MAML3: variants seen among roughly 807,000 people sequenced by gnomAD.
MAML3 encodes the protein mastermind-like protein 3.
MAML3 carries 27 observed loss-of-function variants against 101.9 expected under a neutral mutation model. The observed-to-expected ratio is 0.27, with a 90% confidence interval of 0.20 to 0.37. MAML3 has a LOEUF of 0.37. Among genes scored for constraint, MAML3 ranks in the 10% least tolerant of loss-of-function variants. The pLI is 1.00. For missense variants in MAML3, 1,316 were observed against 1,444.9 expected (o/e 0.91, Z 1.45); for synonymous variants, 501 against 555.9 (o/e 0.90, Z 1.39).
chr4:139,755,688 G>C (rs1729634112), intron 2 of MAML3, among the ~76,000 whole-genome samples: 1 of 152,156 alleles, frequency 6.6e-6, no homozygotes, highest in South Asian at 2.1e-4. Flanking sequence ...TTGCATGTCA[G>C]TATTAAGTAA....
At chr4:139,763,821 T>A (rs1173903326) in intron 2 of MAML3, among the ~76,000 whole-genome samples, 7 of 152,192 alleles carry the variant, frequency 4.6e-5, no homozygotes, top group Non-Finnish European at 8.8e-5. Flanking sequence ...TGGAACAGTC[T>A]CCCTTTCAAA....
chr4:139,990,352 T>A (rs954971666), intron 1 of MAML3, among the ~76,000 whole-genome samples: 1 of 151,096 alleles, frequency 6.6e-6, no homozygotes, highest in Non-Finnish European at 1.5e-5. Context: ...ATTCAACAAC[T>A]CTTCATGCTA....
intron 1 of MAML3, among the ~76,000 whole-genome samples, chr4:140,094,761 C>A (rs1330481764): frequency 6.6e-6 from 1 of 152,240 alleles, no homozygotes; most frequent in Non-Finnish European, 1.5e-5. Context: ...ATTTGATCAT[C>A]TTCCCGCTTC....
At chr4:140,080,522 A>G (rs1727845963) in intron 1 of MAML3, among the ~76,000 whole-genome samples, 1 of 152,166 alleles carries the variant, frequency 6.6e-6, no homozygotes, top group African/African-American at 2.4e-5. Context: ...TTTTTATTGT[A>G]TTTTCTAAAT....
Position 139,890,766 on chromosome 4 carries a change from T to C in MAML3, c.670A>G (p.Lys224Glu), listed in dbSNP as rs1578650147. Residue 224 changes from lysine to glutamate, a missense_variant, in exon 2 of 5, where the codon AAA becomes GAA. Lys to Glu is a moderately conservative substitution (Grantham distance 56). Transcript: ENST00000509479. The surrounding 1 kb of genome is among the most constrained non-coding windows in gnomAD (Gnocchi z 4.1). ...CTGTTCTGCAAGGGCAAAGAAGGTT[T>C]CAGGTCAAGTTGGTGAAGAGGAGAA... The part of the protein sequence containing the change: ...SASPLHQLDL[K>E]PSLPLQNSGT... 2 of 1,613,908 alleles carry C rather than the reference T, an allele frequency of 1.2e-6. No homozygotes were observed. Among genetic ancestry groups the C allele is most frequent in the African/African-American group, 2.7e-5 (2 of 74,934 alleles).
intron 1 of MAML3, among the ~76,000 whole-genome samples, chr4:139,975,457 A>G (rs1424578777): frequency 6.6e-6 from 1 of 152,096 alleles, no homozygotes; most frequent in East Asian, 1.9e-4. Flanking sequence ...ATGCACACAC[A>G]CACACCCCAT....
intron 1 of MAML3, among the ~76,000 whole-genome samples, chr4:140,110,900 A>C (rs1441245394): frequency 6.6e-6 from 1 of 152,206 alleles, no homozygotes; most frequent in Admixed American, 6.5e-5. Flanking sequence ...AAAAATAAGC[A>C]ATTTCATATG....
At chr4:139,969,427 A>AACAC in intron 1 of MAML3, among the ~76,000 whole-genome samples, 1 of 151,850 alleles carries the variant, frequency 6.6e-6, no homozygotes, top group East Asian at 1.9e-4. Flanking sequence ...TGGAGAAATG[A>AACAC]ACACACACAC....
chr4:139,875,382 G>C (rs373319462), intron 2 of MAML3, among the ~76,000 whole-genome samples: 1 of 152,080 alleles, frequency 6.6e-6, no homozygotes, highest in East Asian at 1.9e-4. Flanking sequence ...GCAGTGTTTT[G>C]GGGAATTGTG....
chr4:140,116,489 C>A (rs1364871555), intron 1 of MAML3, among the ~76,000 whole-genome samples: 1 of 152,196 alleles, frequency 6.6e-6, no homozygotes, highest in African/African-American at 2.4e-5. Context: ...AGTAAAAGGA[C>A]AGGGAGGCTG....
chr4:140,009,271 C>G (rs1302152731), intron 1 of MAML3, among the ~76,000 whole-genome samples: 1 of 152,214 alleles, frequency 6.6e-6, no homozygotes, highest in Non-Finnish European at 1.5e-5. Context: ...TACGAACCAA[C>G]AAGCCCCAGG....
At chr4:139,852,778 A>T (rs1275645309) in intron 2 of MAML3, among the ~76,000 whole-genome samples, 3 of 152,114 alleles carry the variant, frequency 2.0e-5, no homozygotes, top group African/African-American at 4.8e-5. Context: ...AATCCATTCC[A>T]GGAACGTCAC....
At chr4:140,070,330 C>T (rs1339121597) in intron 1 of MAML3, among the ~76,000 whole-genome samples, 1 of 152,114 alleles carries the variant, frequency 6.6e-6, no homozygotes. Context: ...CATATTTTAG[C>T]CCAAGTACTT....
chr4:139,782,528 T>C (rs1730235948), intron 2 of MAML3, among the ~76,000 whole-genome samples: 1 of 152,174 alleles, frequency 6.6e-6, no homozygotes, highest in Non-Finnish European at 1.5e-5. Context: ...GACACAAAGA[T>C]AAAAGTGTTA....
intron 2 of MAML3, among the ~76,000 whole-genome samples, chr4:139,819,708 C>A (rs1191515920): frequency 6.6e-6 from 1 of 152,182 alleles, no homozygotes; most frequent in African/African-American, 2.4e-5. Context: ...GCAAAAATAG[C>A]TAAGTATAAA....
intron 1 of MAML3, among the ~76,000 whole-genome samples, chr4:140,080,358 C>T (rs1338327023): frequency 6.6e-6 from 1 of 152,196 alleles, no homozygotes; most frequent in African/African-American, 2.4e-5. Flanking sequence ...GATGGTGTTA[C>T]TCAAAGCATG....
intron 1 of MAML3, among the ~76,000 whole-genome samples, chr4:139,937,104 CT>C (rs566513008): frequency 6.6e-6 from 1 of 152,152 alleles, no homozygotes; most frequent in Non-Finnish European, 1.5e-5. Flanking sequence ...GCTAACCTGT[CT>C]TTCTTGCTAG....
intron 1 of MAML3, among the ~76,000 whole-genome samples, chr4:139,912,065 T>C (rs1021306506): frequency 2.6e-5 from 4 of 152,210 alleles, no homozygotes; most frequent in African/African-American, 7.2e-5. Context: ...TGGCTAAATA[T>C]CCAGAAGCAG....
chr4:140,071,553 TG>T (rs1383780296), intron 1 of MAML3, among the ~76,000 whole-genome samples: 1 of 151,928 alleles, frequency 6.6e-6, no homozygotes, highest in Admixed American at 6.6e-5. Context: ...AAATGCAAAG[TG>T]GCCTATGATA....
Sources: gnomAD v4.1 joint callset for allele counts (sites outside exome capture counted in the v4.1 genomes callset) on GRCh38, gnomAD v4.1.1 for gene constraint, Gnocchi (gnomAD v3.1) non-coding constraint, MANE v1.5 for transcripts, NCBI Gene and HGNC (gene_info 2026-07-23, HGNC 2026-07-21) for gene names.